The following SPAG16 variants were observed in gnomAD, a reference collection of about 807,000 sequenced individuals.
SPAG16 encodes sperm-associated antigen 16 protein.
A neutral mutation model predicts 80.4 loss-of-function variants in SPAG16; 86 were observed. The ratio of observed to expected loss-of-function variants is 1.07; its 90% CI spans 0.90 to 1.28. The LOEUF (loss-of-function observed/expected upper bound fraction) is 1.28, where lower values mean the gene tolerates loss of function less well. Among genes scored for constraint, SPAG16 ranks in the 50% most tolerant of loss-of-function variants. The pLI is 0.00. For missense variants in SPAG16, 870 were observed against 765.3 expected, an observed-to-expected ratio of 1.14 and a Z score of -1.61; for synonymous variants, 294 against 265.9, an observed-to-expected ratio of 1.11 and a Z score of -1.03.
intron 15 of SPAG16, among the ~76,000 whole-genome samples, chr2:214,215,007 T>C (rs1306298620): frequency 6.6e-6 from 1 of 151,936 alleles, no homozygotes; most frequent in East Asian, 1.9e-4. Context: ...AGTACAATGG[T>C]TATATGGTAG....
In SPAG16 at chr2:213,554,332, G is replaced by T. The variant is rs536035476; in HGVS notation, c.1070+64242G>T. Among the ~76,000 whole-genome samples, 21 of 152,286 alleles carry T rather than the reference G, an allele frequency of 1.4e-4. No individual in the cohort carries two copies. The South Asian group carries it at 4.4e-3, about 32-fold the overall frequency. ...CATTCTCACTGGTACCAGAAAAGCTGCACTTTATCCAGTAAGTTCCCTTGC... is the reference window on the plus strand; with the variant it reads ...CATTCTCACTGGTACCAGAAAAGCTTCACTTTATCCAGTAAGTTCCCTTGC... On this transcript the variant is annotated intron_variant, in intron 10 of 15. Transcript: ENST00000331683.
At chr2:213,689,019 G>A (rs2064816763) in intron 10 of SPAG16, among the ~76,000 whole-genome samples, 1 of 152,074 alleles carries the variant, frequency 6.6e-6, no homozygotes, top group Non-Finnish European at 1.5e-5. Context: ...GAGTGCAGTG[G>A]CTCGATCTTG....
chr2:214,147,037 A>G (rs1231719332), intron 14 of SPAG16, among the ~76,000 whole-genome samples: 2 of 152,078 alleles, frequency 1.3e-5, no homozygotes, highest in East Asian at 3.9e-4. Context: ...TCATTTTACC[A>G]TAATGCATAC....
At chr2:214,165,075 T>C (rs146531239) in intron 15 of SPAG16, among the ~76,000 whole-genome samples, 3 of 152,292 alleles carry the variant, frequency 2.0e-5, no homozygotes, top group African/African-American at 7.2e-5. Context: ...GTAGACATTT[T>C]GATGTTGATA....
At chr2:214,315,465 A>C (rs2125985046) in intron 15 of SPAG16, among the ~76,000 whole-genome samples, 1 of 152,090 alleles carries the variant, frequency 6.6e-6, no homozygotes, top group South Asian at 2.1e-4. Flanking sequence ...GGTTAGCTTC[A>C]GGTGAATTTA....
At chr2:213,438,810 A>T (rs2070781254) in intron 9 of SPAG16, among the ~76,000 whole-genome samples, 1 of 152,256 alleles carries the variant, frequency 6.6e-6, no homozygotes, top group African/African-American at 2.4e-5. Flanking sequence ...ACCTAATCAG[A>T]TGCATTTTTA....
chr2:214,281,145 G>T, intron 15 of SPAG16: 1 of 373,294 alleles, frequency 2.7e-6, no homozygotes, highest in Non-Finnish European at 5.3e-6. Flanking sequence ...GAAGCCTGTG[G>T]TCCAGCAGCA....
intron 15 of SPAG16, among the ~76,000 whole-genome samples, chr2:214,155,806 T>C: frequency 6.6e-6 from 1 of 152,188 alleles, no homozygotes; most frequent in East Asian, 1.9e-4. Context: ...TATTCACCTA[T>C]TTAATTCTCA....
intron 10 of SPAG16, among the ~76,000 whole-genome samples, chr2:213,496,751 TC>T (rs1308584923): frequency 2.0e-5 from 3 of 150,912 alleles, no homozygotes; most frequent in East Asian, 1.9e-4. Context: ...ATTATATATA[TC>T]CATATATAAA....
chr2:214,108,460 C>A (rs201166071), intron 14 of SPAG16, among the ~76,000 whole-genome samples, 199 bp downstream of exon 14: 13,197 of 112,228 alleles, frequency 0.12, 763 homozygotes, highest in East Asian at 0.3. Context: ...CACACACACA[C>A]ACACACACAC....
chr2:213,475,668 A>C (rs1406358866), intron 9 of SPAG16, among the ~76,000 whole-genome samples: 4 of 152,100 alleles, frequency 2.6e-5, no homozygotes, highest in African/African-American at 4.8e-5. Context: ...GCTTACCTGC[A>C]CTCTGTCCTA....
chr2:213,665,834 A>G (rs191196608), intron 10 of SPAG16, among the ~76,000 whole-genome samples: 1 of 152,254 alleles, frequency 6.6e-6, no homozygotes, highest in African/African-American at 2.4e-5. Context: ...GAGCTTAGGA[A>G]CACTAGCTAG....
intron 11 of SPAG16, among the ~76,000 whole-genome samples, chr2:213,892,244 C>G (rs929713389): frequency 6.6e-6 from 1 of 151,954 alleles, no homozygotes; most frequent in African/African-American, 2.4e-5. Context: ...TTTACTAGAG[C>G]CAAGGCAAAC....
intron 13 of SPAG16, among the ~76,000 whole-genome samples, chr2:214,023,033 G>C (rs1005735065): frequency 1.3e-5 from 2 of 151,864 alleles, no homozygotes; most frequent in Admixed American, 1.3e-4. Context: ...CCCTGACAGT[G>C]CATCTGACAT....
Position 213,526,499 on chromosome 2 carries a change from C to T in SPAG16, c.1070+36409C>T, listed in dbSNP as rs960564573. 4.6e-5 allele frequency among the ~76,000 whole-genome samples: 7 copies of T among 152,134 alleles called. 1 individual carries two copies. Among genetic ancestry groups the T allele is most frequent in the Non-Finnish European group, 8.8e-5 (6 of 68,016 alleles). ...CTTGGAGATAGAGATCTTTCCAGCA[C>T]CCCTTTGGCTCTGATCTGGACCACA... On this transcript the variant is annotated intron_variant, in intron 10 of 15. Coordinates refer to ENST00000331683, the MANE Select transcript of SPAG16 (RefSeq NM_024532.5).
chr2:213,861,233 A>AACCT (rs1229050111), intron 10 of SPAG16, among the ~76,000 whole-genome samples: 1 of 152,170 alleles, frequency 6.6e-6, no homozygotes, highest in Non-Finnish European at 1.5e-5. Flanking sequence ...AGATTCCCAA[A>AACCT]ACTGTGTAGG....
At chr2:214,357,184 C>A (rs1698871132) in intron 15 of SPAG16, among the ~76,000 whole-genome samples, 1 of 151,828 alleles carries the variant, frequency 6.6e-6, no homozygotes, top group Non-Finnish European at 1.5e-5. Flanking sequence ...TGGTTCTCTG[C>A]AGTTTCACTA....
intron 10 of SPAG16, among the ~76,000 whole-genome samples, chr2:213,851,737 G>A (rs1230127158): frequency 6.6e-6 from 1 of 152,114 alleles, no homozygotes; most frequent in East Asian, 1.9e-4. Context: ...GTATAAGGTT[G>A]GAAGAACATT....
At position 214,410,116 on chromosome 2, in the gene SPAG16, C is replaced by G. The variant is rs370849995; in HGVS notation, c.1721-24C>G. The stretch of plus-strand genomic sequence containing the variant: ...AATAAAACTTTGATTCATTCTCTCT[C>G]TCTCTCCTCTCTGTCTCCCTCAGGT... On this transcript the variant is annotated intron_variant, in intron 15 of 15. Coordinates refer to ENST00000331683, the MANE Select transcript of SPAG16 (RefSeq NM_024532.5). 7.4e-6 allele frequency: 12 copies of G among 1,612,040 alleles called. No individual in the cohort carries two copies. In the African/African-American group the frequency reaches 1.2e-4, roughly 16 times the overall value.
Sources: gnomAD v4.1 joint callset for allele counts (sites outside exome capture counted in the v4.1 genomes callset) on GRCh38, gnomAD v4.1.1 for gene constraint, MANE v1.5 for transcripts, NCBI Gene and HGNC (gene_info 2026-07-23, HGNC 2026-07-21) for gene names.